The following PTPRG variants were observed in gnomAD, a reference collection of about 807,000 sequenced individuals.
PTPRG encodes receptor-type tyrosine-protein phosphatase gamma.
Under a neutral mutation model 165.3 loss-of-function variants are expected in PTPRG, and 102 were observed. The observed-to-expected ratio is 0.62, with a 90% CI of 0.53 to 0.73. PTPRG has a LOEUF of 0.73. Among genes scored for constraint, PTPRG ranks in the 30% least tolerant of loss-of-function variants. The pLI is 0.00. For synonymous variants in PTPRG, 675 were observed against 669.5 expected (o/e 1.01, Z -0.13); for missense variants, 1,866 against 1,861.4 (o/e 1.00, Z -0.05).
chr3:62,120,852 A>G (rs1703041269), intron 5 of PTPRG, among the ~76,000 whole-genome samples: 1 of 152,142 alleles, frequency 6.6e-6, no homozygotes, highest in Non-Finnish European at 1.5e-5. Context: ...TGACCTGTCT[A>G]TAGCCAGAAG....
At chr3:62,110,882 T>G (rs1412012232) in intron 5 of PTPRG, among the ~76,000 whole-genome samples, 1 of 152,196 alleles carries the variant, frequency 6.6e-6, no homozygotes, top group Non-Finnish European at 1.5e-5. Context: ...ATCTTTGAAA[T>G]GGTGTCTGAA....
chr3:61,944,037 A>G (rs2039695012), intron 2 of PTPRG, among the ~76,000 whole-genome samples: 1 of 152,184 alleles, frequency 6.6e-6, no homozygotes. Context: ...AGCAGCAAAC[A>G]AAGTACCACA....
intron 2 of PTPRG, among the ~76,000 whole-genome samples, chr3:61,847,747 GA>G (rs945489894): frequency 5.3e-5 from 8 of 150,238 alleles, no homozygotes; most frequent in African/African-American, 1.7e-4. Context: ...AATGATCTTT[GA>G]AAAAAAAAAT....
At chr3:62,075,536 A>C (rs934275646) in intron 4 of PTPRG, among the ~76,000 whole-genome samples, 4 of 152,238 alleles carry the variant, frequency 2.6e-5, no homozygotes, top group African/African-American at 9.6e-5. Flanking sequence ...AGGAAAAAGA[A>C]TTACCTTTAA....
chr3:62,227,358 T>G (rs1700786371), intron 13 of PTPRG, among the ~76,000 whole-genome samples: 1 of 152,182 alleles, frequency 6.6e-6, no homozygotes, highest in African/African-American at 2.4e-5. Context: ...ATCATAAGAA[T>G]GACTTCTCAC....
At position 62,080,061 on chromosome 3, in the gene PTPRG, C is replaced by CTTTTTTTTTTTTTTT. The variant is rs774262138; in HGVS notation, c.615+1803_615+1804insTTTTTTTTTTTTTTT. ...GAGTTCTGTCTGGACCCCTTCGGTT[C>CTTTTTTTTTTTTTTT]ATTTTTTTTTTTTTTTTTTTTGAGA... On this transcript the variant is annotated intron_variant, in intron 5 of 29. Transcript: ENST00000474889. Among the ~76,000 whole-genome samples the CTTTTTTTTTTTTTTT allele has an allele frequency of 4.5e-5, 5 of 111,568 alleles. 2 individuals carry two copies. Among genetic ancestry groups the CTTTTTTTTTTTTTTT allele is most frequent in the Admixed American group, 1.9e-4 (2 of 10,570 alleles). 73.2% of individuals were successfully genotyped at this position (111,568 alleles called of 152,430 possible). A position where few individuals can be genotyped will look rare whatever the true frequency, so the allele number is the denominator to read the frequency against.
chr3:61,952,120 A>G (rs78858031), intron 2 of PTPRG, among the ~76,000 whole-genome samples: 41 of 16,180 alleles, frequency 2.5e-3, no homozygotes, highest in East Asian at 0.015. Context: ...CCACCTCAGA[A>G]AAAAAAAAAA....
rs554461701 is a variant in PTPRG, at chr3:61,914,969, G to A, written c.191-74656G>A. 1.1e-4 allele frequency among the ~76,000 whole-genome samples: 16 copies of A among 152,298 alleles called. No individual in the cohort carries two copies. In the South Asian group the frequency reaches 2.9e-3, roughly 28 times the overall value. ...AAGTGGGCTGGGTGCGGTGACTCAC[G>A]CCTATAATCCCAGCACTTTGGGAGG... On this transcript the variant is annotated intron_variant, in intron 2 of 29. Coordinates refer to ENST00000474889, the MANE Select transcript of PTPRG (RefSeq NM_002841.4).
At chr3:62,090,598 A>G (rs1238586683) in intron 5 of PTPRG, among the ~76,000 whole-genome samples, 1 of 152,174 alleles carries the variant, frequency 6.6e-6, no homozygotes, top group Non-Finnish European at 1.5e-5. Context: ...GACAGGTAAA[A>G]TCCCAAGTCT....
chr3:62,214,347 G>A lies in PTPRG; in HGVS notation c.2156-4504G>A, dbSNP rs1700444404. On this transcript the variant is annotated intron_variant, in intron 12 of 29. Transcript: ENST00000474889. The surrounding 1 kb of genome is among the most constrained non-coding windows in gnomAD (Gnocchi z 5.2). ...GTGTTGCCGAAGCTGGGGTGGTGGT[G>A]ATGACAATAATCACAATAGTTAACA... Among the ~76,000 whole-genome samples, 1 of 152,212 alleles carries A rather than the reference G, an allele frequency of 6.6e-6. No individual in the cohort carries two copies. Among genetic ancestry groups the A allele is most frequent in the African/African-American group, 2.4e-5 (1 of 41,454 alleles).
chr3:62,231,608 ATG>A (rs1700903581), intron 14 of PTPRG, among the ~76,000 whole-genome samples: 3 of 151,936 alleles, frequency 2.0e-5, no homozygotes, highest in African/African-American at 4.8e-5. Flanking sequence ...GTGTGTCTGT[ATG>A]TGTGTTGCAT....
In PTPRG at chr3:61,801,241, G is replaced by A. The variant is rs116104627; in HGVS notation, c.190+52259G>A. The stretch of plus-strand genomic sequence containing the variant: ...CCCCCAGTGGTCTATGCACACAGAC[G>A]CCCTCAGGTGCTCTCCAGGTACAGA... On this transcript the variant is annotated intron_variant, in intron 2 of 29. Transcript: ENST00000474889. Among the ~76,000 whole-genome samples the A allele has an allele frequency of 7.9e-3, 1,206 of 151,916 alleles. 18 individuals carry two copies. The highest frequency in any genetic ancestry group is 0.027 in the African/African-American group (1,131 of 41,416).
At chr3:62,200,963 C>T (rs1257750866) in intron 10 of PTPRG, among the ~76,000 whole-genome samples, 1 of 152,088 alleles carries the variant, frequency 6.6e-6, no homozygotes, top group Non-Finnish European at 1.5e-5. Context: ...AGAGGAGGAA[C>T]AATGGTGTAA....
intron 1 of PTPRG, among the ~76,000 whole-genome samples, chr3:61,679,305 A>T (rs766085045): frequency 1.3e-5 from 2 of 152,222 alleles, no homozygotes; most frequent in Non-Finnish European, 2.9e-5. Context: ...ACAGCCTGTC[A>T]GGAGGACAGA....
chr3:61,854,583 C>T (rs1645750459), intron 2 of PTPRG, among the ~76,000 whole-genome samples: 2 of 152,158 alleles, frequency 1.3e-5, no homozygotes, highest in African/African-American at 4.8e-5. Context: ...ATTAGGGAAA[C>T]TGTACTGGTG....
chr3:62,112,692 A>C (rs1387694226), intron 5 of PTPRG, among the ~76,000 whole-genome samples: 1 of 152,198 alleles, frequency 6.6e-6, no homozygotes, highest in African/African-American at 2.4e-5. Flanking sequence ...CATTTTTGCT[A>C]AGTTTTCAGA....
At chr3:62,167,898 T>C (rs1705056200) in intron 7 of PTPRG, 73 bp from the exon 8 acceptor site, 1 of 1,456,196 alleles carries the variant, frequency 6.9e-7, no homozygotes, top group East Asian at 2.3e-5. Flanking sequence ...TTGGACCAAA[T>C]AGCTTTTCTA....
At chr3:61,868,697 T>G (rs950199354) in intron 2 of PTPRG, among the ~76,000 whole-genome samples, 2 of 152,232 alleles carry the variant, frequency 1.3e-5, no homozygotes, top group Admixed American at 1.3e-4. Flanking sequence ...TTTTTTTGTT[T>G]GAGTCAGCAC....
intron 15 of PTPRG, among the ~76,000 whole-genome samples, chr3:62,244,675 T>A (rs551251791): frequency 6.6e-6 from 1 of 152,324 alleles, no homozygotes; most frequent in African/African-American, 2.4e-5. Flanking sequence ...CCCATCCTGC[T>A]GATCTGCCCT....
Sources: gnomAD v4.1 joint callset for allele counts (sites outside exome capture counted in the v4.1 genomes callset) on GRCh38, gnomAD v4.1.1 for gene constraint, Gnocchi (gnomAD v3.1) non-coding constraint, MANE v1.5 for transcripts, NCBI Gene and HGNC (gene_info 2026-07-23, HGNC 2026-07-21) for gene names.